Variants in HIVEP2 observed in about 807,000 individuals in gnomAD.
HIVEP2 encodes transcription factor HIVEP2.
A neutral mutation model predicts 180.7 loss-of-function variants in HIVEP2; 14 were observed. The observed-to-expected ratio is 0.08, with a 90% CI of 0.05 to 0.12. The LOEUF (loss-of-function observed/expected upper bound fraction) is 0.12, where lower values mean the gene tolerates loss of function less well. HIVEP2 is among the 10% of genes least tolerant of loss of function. The pLI is 1.00. For synonymous variants in HIVEP2, 1,184 were observed against 1,136.4 expected, an observed-to-expected ratio of 1.04 and a Z score of -0.84; for missense variants, 2,579 against 3,008.5, an observed-to-expected ratio of 0.86 and a Z score of 3.34.
chr6:142,865,156 A>C (rs1776106394), intron 1 of HIVEP2, among the ~76,000 whole-genome samples: 2 of 152,176 alleles, frequency 1.3e-5, no homozygotes, highest in Admixed American at 1.3e-4. Flanking sequence ...AGGAAAACCA[A>C]ATCTCTTCTG....
chr6:142,860,598 C>G (rs1404812848), intron 1 of HIVEP2, among the ~76,000 whole-genome samples: 4 of 152,136 alleles, frequency 2.6e-5, no homozygotes. Context: ...AGTGACAGAT[C>G]ATCATGCATT....
chr6:142,761,334 T>C, intron 8 of HIVEP2, 130 bp downstream of exon 8: 1 of 552,508 alleles, frequency 1.8e-6, no homozygotes, highest in Admixed American at 3.1e-5. Flanking sequence ...TTTTATTTTC[T>C]ATATTTAGTA....
chr6:142,789,816 T>C lies in HIVEP2; in HGVS notation c.-527-6201A>G, dbSNP rs114161732. Among the ~76,000 whole-genome samples, 489 of 152,294 alleles carry C rather than the reference T, an allele frequency of 3.2e-3. 5 individuals are homozygous for C. Among genetic ancestry groups the C allele is most frequent in the African/African-American group, 0.011 (461 of 41,556 alleles). Reference sequence around the variant, plus strand: ...TGAAATTCAAATGAGCAAAGATATTTATAATCCATAATCAAAGAAACAGAA... The same window carrying C: ...TGAAATTCAAATGAGCAAAGATATTCATAATCCATAATCAAAGAAACAGAA... On this transcript the variant is annotated intron_variant, in intron 2 of 9. Coordinates refer to ENST00000367603, the MANE Select transcript of HIVEP2 (RefSeq NM_006734.4).
At position 142,774,521 on chromosome 6, in the gene HIVEP2, C is replaced by T. The variant is rs1393443223; in HGVS notation, c.218G>A (p.Ser73Asn). 1 of 1,614,212 alleles carries T rather than the reference C, an allele frequency of 6.2e-7. No homozygotes were observed. Among genetic ancestry groups the T allele is most frequent in the South Asian group, 1.1e-5 (1 of 91,084 alleles). Residue 73 changes from serine (S) to asparagine (N), a missense_variant, in exon 5 of 10, where the codon AGT becomes AAT. Coordinates refer to ENST00000367603, the MANE Select transcript of HIVEP2 (RefSeq NM_006734.4). The surrounding 1 kb of genome is among the most constrained non-coding windows in gnomAD (Gnocchi z 5.1). ...LFGSGKLASP[S>N]EVVQQVAEKQ... ...CTCTGCGACTTGCTGCACCACTTCA[C>T]TAGGGGAGGCCAGTTTCCCAGAACC...
In HIVEP2 at chr6:142,771,768, G is replaced by A. The variant is rs746588881; in HGVS notation, c.2971C>T (p.Leu991Phe). 9 of 1,614,228 alleles carry A rather than the reference G, an allele frequency of 5.6e-6. No individual in the cohort carries two copies. The South Asian group carries it at 9.9e-5, about 18-fold the overall frequency. ...TCATCCTGCTTAGGAAGTGCAGAAAGCTTACTGGTTTCTTCTCTTTCAAAA... is the reference window on the plus strand; with the variant it reads ...TCATCCTGCTTAGGAAGTGCAGAAAACTTACTGGTTTCTTCTCTTTCAAAA... ...MSFEREETSK[L>F]SALPKQDEFG... Residue 991 changes from leucine (L) to phenylalanine (F), a missense_variant, in exon 5 of 10, where the codon CTT (leucine) becomes TTT (phenylalanine). Physicochemically the swap from Leu to Phe is conservative, Grantham distance 22. Around this residue, in one of 11 missense-constraint regions of HIVEP2, gnomAD observed 523 missense variants for 577.0 expected, o/e 0.91. Coordinates refer to ENST00000367603, the MANE Select transcript of HIVEP2 (RefSeq NM_006734.4). This position sits in a 1 kb window ranked among gnomAD's most constrained non-coding sequence, Gnocchi z 5.4.
At chr6:142,780,427 T>C (rs572359444) in intron 3 of HIVEP2, among the ~76,000 whole-genome samples, 1 of 152,334 alleles carries the variant, frequency 6.6e-6, no homozygotes, top group African/African-American at 2.4e-5. Flanking sequence ...TGAAACATGT[T>C]TGAGGATGTC....
chr6:142,876,169 G>A (rs1285613231), intron 1 of HIVEP2, among the ~76,000 whole-genome samples: 3 of 152,132 alleles, frequency 2.0e-5, no homozygotes, highest in Non-Finnish European at 4.4e-5. Flanking sequence ...AGAAGATGAC[G>A]ACGAAGAATG....
rs985216730 is a variant in HIVEP2 at position 142,776,199 on chromosome 6, C to T, written c.-432-8G>A. 2.0e-5 allele frequency: 3 copies of T among 152,518 alleles called. No homozygotes were observed. The highest frequency in any genetic ancestry group is 6.5e-5 in the Admixed American group (1 of 15,274). The allele number at this position is 152,518 out of a possible 1,614,324, so 9.4% of individuals were successfully genotyped here. On this transcript the variant is annotated splice_region_variant and splice_polypyrimidine_tract_variant and intron_variant, in intron 3 of 9. Transcript: ENST00000367603. Reference sequence around the variant, plus strand: ...TGATTGTCCTGACGCTTCCTGGATACAAAATAAATGCAGTTAGGGAAAATT... The same window carrying T: ...TGATTGTCCTGACGCTTCCTGGATATAAAATAAATGCAGTTAGGGAAAATT...
In HIVEP2 at chr6:142,774,961, T is replaced by C. The variant is rs1166100405; in HGVS notation, c.-223A>G. 7.6e-6 allele frequency: 10 copies of C among 1,320,206 alleles called. No homozygotes were observed. Among genetic ancestry groups the C allele is most frequent in the Admixed American group, 3.5e-5 (1 of 28,528 alleles). The allele number at this position is 1,320,206 out of a possible 1,614,324, so 81.8% of individuals were successfully genotyped here. A position where few individuals can be genotyped will look rare whatever the true frequency, so the allele number is the denominator to read the frequency against. ...CAGGGCTATAACACAGTTCTCTCCA[T>C]TGTAGAAACGTCCATCCAAAAGCTA... is the stretch of plus-strand genomic sequence containing the variant. On this transcript the variant is annotated 5_prime_UTR_variant, in exon 5 of 10. The change abolishes an upstream ATG in the 5' untranslated region. Coordinates refer to ENST00000367603, the MANE Select transcript of HIVEP2 (RefSeq NM_006734.4). The surrounding 1 kb of genome is among the most constrained non-coding windows in gnomAD (Gnocchi z 5.1).
chr6:142,762,359 T>TTA, intron 7 of HIVEP2, among the ~76,000 whole-genome samples: 2 of 151,972 alleles, frequency 1.3e-5, no homozygotes, highest in South Asian at 2.1e-4. Context: ...TGGATATAAA[T>TTA]TATATATATA....
At chr6:142,922,468 A>T (rs1391795636) in intron 1 of HIVEP2, among the ~76,000 whole-genome samples, 2 of 152,240 alleles carry the variant, frequency 1.3e-5, no homozygotes, top group Non-Finnish European at 2.9e-5. Flanking sequence ...CTAAAATTTT[A>T]AAATAGTAAG....
chr6:142,891,781 C>T (rs544188870), intron 1 of HIVEP2, among the ~76,000 whole-genome samples: 90 of 152,230 alleles, frequency 5.9e-4, no homozygotes, highest in Admixed American at 1.4e-3. Flanking sequence ...CGCTGAGACA[C>T]GGCCCCCGAT....
chr6:142,927,719 C>T (rs1442080264), intron 1 of HIVEP2, among the ~76,000 whole-genome samples: 1 of 152,114 alleles, frequency 6.6e-6, no homozygotes, highest in Non-Finnish European at 1.5e-5. Context: ...ATGGAAATTA[C>T]CTGTTCATGT....
At chr6:142,853,339 T>C (rs1196742550) in intron 1 of HIVEP2, among the ~76,000 whole-genome samples, 1 of 152,194 alleles carries the variant, frequency 6.6e-6, no homozygotes, top group Admixed American at 6.5e-5. Flanking sequence ...GGTCTCCCTG[T>C]GGTTTCGATA....
At chr6:142,826,111 A>G (rs1339149178) in intron 2 of HIVEP2, among the ~76,000 whole-genome samples, 2 of 152,224 alleles carry the variant, frequency 1.3e-5, no homozygotes, top group East Asian at 1.9e-4. Flanking sequence ...CAAATATCAT[A>G]TATCTGATTT....
At chr6:142,786,435 T>A (rs1179006260) in intron 2 of HIVEP2, among the ~76,000 whole-genome samples, 1 of 152,196 alleles carries the variant, frequency 6.6e-6, no homozygotes, top group African/African-American at 2.4e-5. Context: ...AAAATTATAT[T>A]TCACTTCACC....
chr6:142,930,087 A>G (rs1320986723), intron 1 of HIVEP2, among the ~76,000 whole-genome samples: 1 of 152,212 alleles, frequency 6.6e-6, no homozygotes, highest in East Asian at 1.9e-4. Context: ...GACAAAATCA[A>G]GACTCTCTTC....
rs756775348 is a variant in HIVEP2, at chr6:142,772,249, G to C, written c.2490C>G (p.Ala830=). 1.9e-6 allele frequency: 3 copies of C among 1,614,208 alleles called. No homozygotes were observed. Among genetic ancestry groups the C allele is most frequent in the South Asian group, 2.2e-5 (2 of 91,082 alleles). The part of the protein sequence containing the change: ...AELVACTQDK[A]PSPSETCDSE... The stretch of plus-strand genomic sequence containing the variant: ...TGTCACAAGTCTCTGAAGGGGAAGG[G>C]GCTTTATCCTGTGTGCAAGCCACAA... Residue 830 remains alanine (A), a synonymous_variant, in exon 5 of 10, where the codon GCC becomes GCG. Coordinates refer to ENST00000367603, the MANE Select transcript of HIVEP2 (RefSeq NM_006734.4). The surrounding 1 kb of genome is among the most constrained non-coding windows in gnomAD (Gnocchi z 4.9).
chr6:142,830,154 T>C (rs753072110), intron 2 of HIVEP2, among the ~76,000 whole-genome samples: 27 of 152,154 alleles, frequency 1.8e-4, no homozygotes, highest in Non-Finnish European at 3.1e-4. Flanking sequence ...ATACCACCAA[T>C]TGAAAAAGTA....
Sources: allele counts gnomAD v4.1 joint callset (sites outside exome capture counted in the v4.1 genomes callset), GRCh38; gene constraint gnomAD v4.1.1; regional missense constraint gnomAD v4.1.1; non-coding constraint Gnocchi (gnomAD v3.1); transcripts MANE v1.5; gene names NCBI Gene and HGNC (gene_info 2026-07-23, HGNC 2026-07-21).